Variants in A2ML1 observed in about 807,000 individuals in gnomAD.
A2ML1 encodes alpha-2-macroglobulin-like protein 1.
A2ML1 carries 161 observed loss-of-function variants against 181.9 expected under a neutral mutation model. The ratio of observed to expected loss-of-function variants is 0.89; its 90% CI spans 0.78 to 1.01. The LOEUF (loss-of-function observed/expected upper bound fraction) is 1.01. Among genes scored for constraint, A2ML1 ranks in the 50% least tolerant of loss-of-function variants. The pLI is 0.00. For missense variants in A2ML1, 1,670 were observed against 1,768.1 expected (o/e 0.94, Z 1.00); for synonymous variants, 663 against 666.8 (o/e 0.99, Z 0.09).
Position 8,855,675 on chromosome 12 carries a change from C to T in A2ML1, c.2848+83C>T, listed in dbSNP as rs1361505540. 2.6e-5 allele frequency: 34 copies of T among 1,306,760 alleles called. No homozygotes were observed. The East Asian group carries it at 7.8e-4, about 30-fold the overall frequency. The allele number at this position is 1,306,760 out of a possible 1,614,324, so 80.9% of individuals were successfully genotyped here. ...TGTGGAGTGGGGCGGGACATACGGA[C>T]CTATCCGGAGAGTGTAACTAATAAC... is the stretch of plus-strand genomic sequence containing the variant. On this transcript the variant is annotated intron_variant, in intron 23 of 35. Transcript: ENST00000299698.
chr12:8,868,610 G>C lies in A2ML1; in HGVS notation c.4135G>C (p.Glu1379Gln). ...VKMLSGFSPM[E>Q]GTNQLLLQQP... ...GATGCTATCTGGGTTCAGTCCCATG[G>C]AGGGCACCAATCAGTTAGTAAGTTA... The change falls in exon 32 of 36, where the codon GAG (glutamate) becomes CAG (glutamine). Residue 1379 changes from glutamate (E) to glutamine (Q), a missense_variant. Glu to Gln is a conservative substitution (Grantham distance 29). Coordinates refer to ENST00000299698, the MANE Select transcript of A2ML1 (RefSeq NM_144670.6). 1 of 1,613,954 alleles carries C rather than the reference G, an allele frequency of 6.2e-7. No homozygotes were observed. Among genetic ancestry groups the C allele is most frequent in the Non-Finnish European group, 8.5e-7 (1 of 1,179,978 alleles).
chr12:8,868,717 G>GTT, intron 32 of A2ML1, 90 bp downstream of exon 32: 1 of 866,470 alleles, frequency 1.2e-6, no homozygotes, highest in Non-Finnish European at 1.8e-6. Flanking sequence ...ATCATGGCGT[G>GTT]TATACACACA....
At chr12:8,859,888 G>A (rs1253185172) in intron 26 of A2ML1, among the ~76,000 whole-genome samples, 1 of 152,036 alleles carries the variant, frequency 6.6e-6, no homozygotes, top group Non-Finnish European at 1.5e-5. Flanking sequence ...TCTTTTGAGA[G>A]CAGGCCAGTC....
intron 8 of A2ML1, 141 bp from the exon 9 acceptor site, chr12:8,838,195 C>G (rs1943350189): frequency 1.8e-6 from 1 of 554,182 alleles, no homozygotes. Flanking sequence ...GTGTATACTT[C>G]ATGTTGTAGG....
chr12:8,862,646 G>T (rs1337301089), intron 28 of A2ML1, among the ~76,000 whole-genome samples: 1 of 152,136 alleles, frequency 6.6e-6, no homozygotes, highest in African/African-American at 2.4e-5. Context: ...TTATATGAGC[G>T]TCATGGCTGA....
At chr12:8,849,219 C>G (rs1015790530) in intron 16 of A2ML1, among the ~76,000 whole-genome samples, 5 of 152,142 alleles carry the variant, frequency 3.3e-5, no homozygotes, top group African/African-American at 1.2e-4. Context: ...TGCACCTATT[C>G]TATGAGCAGG....
Position 8,836,348 on chromosome 12 carries a change from A to G in A2ML1, c.728+9A>G. 1 of 1,608,852 alleles carries G rather than the reference A, an allele frequency of 6.2e-7. No individual in the cohort carries two copies. The highest frequency in any genetic ancestry group is 8.5e-7 in the Non-Finnish European group (1 of 1,175,264). ...GTAAAAATTTGTTGTAGGTAAGAGC[A>G]GAAGCTTGGGATCTGGTGGAGATTA... On this transcript the variant is annotated intron_variant, in intron 7 of 35. Transcript: ENST00000299698.
At chr12:8,832,456 A>G (rs1254057483) in intron 4 of A2ML1, among the ~76,000 whole-genome samples, 3 of 152,162 alleles carry the variant, frequency 2.0e-5, no homozygotes, top group East Asian at 1.9e-4. Context: ...GCTGTTATCA[A>G]TTTTGTTTCA....
In A2ML1 at chr12:8,867,749, T is replaced by C. The variant is rs1233499186; in HGVS notation, c.3718-93T>C. ...TAAAGAAGTCATCATCCAAGCCAAC[T>C]AACAACAACCAGATGTGTGGGTTAT... On this transcript the variant is annotated intron_variant, in intron 29 of 35. Transcript: ENST00000299698. The C allele has an allele frequency of 3.5e-6, 4 of 1,145,972 alleles. No individual in the cohort carries two copies. The Admixed American group carries it at 7.5e-5, about 21-fold the overall frequency. 71.0% of individuals were successfully genotyped at this position (1,145,972 alleles called of 1,614,324 possible). A position where few individuals can be genotyped will look rare whatever the true frequency, so the allele number is the denominator to read the frequency against.
At chr12:8,846,285 C>A in intron 14 of A2ML1, 63 bp downstream of exon 14, 2 of 1,588,538 alleles carry the variant, frequency 1.3e-6, no homozygotes, top group South Asian at 1.1e-5. Flanking sequence ...CTTGTGTGTG[C>A]TGCGGTTGGA....
chr12:8,863,926 A>G lies in A2ML1; in HGVS notation c.3635A>G (p.Gln1212Arg). The change falls in exon 29 of 36, where the codon CAA becomes CGA. Residue 1212 changes from glutamine to arginine, a missense_variant. By Grantham distance (43) the Gln-to-Arg change is conservative. Transcript: ENST00000299698. ...LAQLTKPSLTQKEIAKATSIV... is the reference protein window; with the variant it reads ...LAQLTKPSLTRKEIAKATSIV... Reference sequence around the variant, plus strand: ...CAGCTTACCAAGCCCAGCCTGACTCAAAAGGAGATAGCGAAGGCCACTAGC... The same window carrying G: ...CAGCTTACCAAGCCCAGCCTGACTCGAAAGGAGATAGCGAAGGCCACTAGC... 1 of 1,614,146 alleles carries G rather than the reference A, an allele frequency of 6.2e-7. No individual in the cohort carries two copies. Among genetic ancestry groups the G allele is most frequent in the East Asian group, 2.2e-5 (1 of 44,888 alleles).
In A2ML1 at chr12:8,861,159, C is replaced by T. The variant is rs1860967; in HGVS notation, c.3364C>T (p.Arg1122Trp). The T allele has an allele frequency of 0.39, 631,030 of 1,613,616 alleles. 132,860 individuals carry two copies. The highest frequency in any genetic ancestry group is 0.81 in the East Asian group (36,281 of 44,874). The change falls in exon 28 of 36, where the codon CGG (arginine) becomes TGG (tryptophan). Residue 1122 changes from arginine (R) to tryptophan (W), a missense_variant. Coordinates refer to ENST00000299698, the MANE Select transcript of A2ML1 (RefSeq NM_144670.6). ...VDDPMVSQGL[R>W]CLKNSATSTT... ...GGACCCAATGGTGAGTCAGGGTCTA[C>T]GGTGTCTCAAGAATTCGGCCACCTC...
At chr12:8,862,908 T>C (rs1239183958) in intron 28 of A2ML1, among the ~76,000 whole-genome samples, 1 of 152,174 alleles carries the variant, frequency 6.6e-6, no homozygotes, top group Non-Finnish European at 1.5e-5. Flanking sequence ...CGTACAGTCT[T>C]CTCATTTCTT....
chr12:8,849,547 G>A, intron 16 of A2ML1, 122 bp from the exon 17 acceptor site: 1 of 809,112 alleles, frequency 1.2e-6, no homozygotes, highest in Non-Finnish European at 2.0e-6. Flanking sequence ...AGAACACCCA[G>A]GTTCACCATT....
At chr12:8,881,119 G>A (rs1407417250), downstream of A2ML1, among the ~76,000 whole-genome samples, 3 of 152,230 alleles carry the variant, frequency 2.0e-5, no homozygotes, top group Non-Finnish European at 4.4e-5. Context: ...ATTCTAGACT[G>A]TGGATTACAT....
In A2ML1 at chr12:8,875,017, G is replaced by T. The variant is rs751012864; in HGVS notation, c.*1+5G>T. The T allele has an allele frequency of 2.5e-6, 4 of 1,614,006 alleles. No individual in the cohort carries two copies. In the South Asian group the frequency reaches 4.4e-5, roughly 18 times the overall value. ...ATTCTGATCCCTGTGAATGAGGTAA[G>T]TCCAGCGGAGAAATGGGTGGAGTTA... On this transcript the variant is annotated splice_donor_5th_base_variant and intron_variant, in intron 35 of 35. Coordinates refer to ENST00000299698, the MANE Select transcript of A2ML1 (RefSeq NM_144670.6).
intron 33 of A2ML1, among the ~76,000 whole-genome samples, chr12:8,870,055 A>G (rs1389227493): frequency 1.3e-5 from 2 of 152,224 alleles, no homozygotes; most frequent in African/African-American, 4.8e-5. Context: ...GATTGTTACA[A>G]TGTTCCTTTT....
chr12:8,874,881 A>C lies in A2ML1; in HGVS notation c.4325-90A>C, dbSNP rs572988179. On this transcript the variant is annotated intron_variant, in intron 34 of 35. Transcript: ENST00000299698. ...CTCATAACCTGTAGAGATTCTCTGGAAGGGGCTCAAGCAGTAGCTTTTCTG... is the reference window on the plus strand; with the variant it reads ...CTCATAACCTGTAGAGATTCTCTGGCAGGGGCTCAAGCAGTAGCTTTTCTG... 619 of 1,248,248 alleles carry C rather than the reference A, an allele frequency of 5.0e-4. 2 individuals are homozygous for C. Among genetic ancestry groups the C allele is most frequent in the Middle Eastern group, 2.6e-3 (12 of 4,656 alleles). The allele number at this position is 1,248,248 out of a possible 1,614,324, so 77.3% of individuals were successfully genotyped here. A position where few individuals can be genotyped will look rare whatever the true frequency, so the allele number is the denominator to read the frequency against.
At chr12:8,827,753 C>T (rs908069482) in intron 3 of A2ML1, among the ~76,000 whole-genome samples, 1 of 152,072 alleles carries the variant, frequency 6.6e-6, no homozygotes, top group African/African-American at 2.4e-5. Context: ...GCAGACTTTC[C>T]AGGTATTTGA....
Sources: allele counts gnomAD v4.1 joint callset (sites outside exome capture counted in the v4.1 genomes callset), GRCh38; gene constraint gnomAD v4.1.1; transcripts MANE v1.5; gene names NCBI Gene and HGNC (gene_info 2026-07-23, HGNC 2026-07-21).